Variants in RBM41 observed in about 807,000 individuals in gnomAD.
RBM41 encodes the protein RNA-binding protein 41.
A neutral mutation model predicts 30.8 loss-of-function variants in RBM41; 14 were observed. The ratio of observed to expected loss-of-function variants is 0.45; its 90% CI spans 0.30 to 0.71. RBM41 has a LOEUF of 0.71. Ranked by LOEUF, RBM41 falls within the 30% of genes least tolerant of loss-of-function variation. The probability of loss-of-function intolerance (pLI) is 0.08; values close to 1 mark genes in which losing one functional copy is unlikely to be tolerated. For synonymous variants in RBM41, 120 were observed against 110.1 expected (o/e 1.09, Z -0.56); for missense variants, 276 against 326.3 (o/e 0.85, Z 1.19).
At chrX:107,056,445 G>A in the RBM41 span, among the ~76,000 whole-genome samples, 12 of 112,009 alleles carry the variant, frequency 1.1e-4, no homozygotes, top group Admixed American at 1.0e-3. Context: ...TTTCTTTGAA[G>A]AGTTTGAGAA....
intron 5 of RBM41, among the ~76,000 whole-genome samples, chrX:107,091,720 A>AT (rs886734389): frequency 8.9e-6 from 1 of 112,110 alleles, no homozygotes; most frequent in Non-Finnish European, 1.9e-5. Context: ...ACACATATAC[A>AT]TAATTCATTA....
At chrX:107,084,294 A>G (rs1200728289) in intron 6 of RBM41, among the ~76,000 whole-genome samples, 2 of 111,164 alleles carry the variant, frequency 1.8e-5, no homozygotes, top group African/African-American at 6.5e-5. Flanking sequence ...CTCTAATCCT[A>G]TGATGAAGTC....
In RBM41 at chrX:107,067,548, A is replaced by G. The variant is rs769652000; in HGVS notation, c.1293T>C (p.Thr431=). The part of the protein sequence containing the change: ...TSLISCATGS[T]TEISGS ...TATTCTAGCTACCACTAATTTCTGTAGTGCTACCTGTAGCACATGATATGA... is the reference window on the plus strand; with the variant it reads ...TATTCTAGCTACCACTAATTTCTGTGGTGCTACCTGTAGCACATGATATGA... Residue 431 remains threonine (T), a synonymous_variant, in exon 8 of 8, where the codon ACT becomes ACC. Transcript: ENST00000685964. The G allele has an allele frequency of 1.7e-6, 2 of 1,205,872 alleles. No homozygotes were observed. Among genetic ancestry groups the G allele is most frequent in the Admixed American group, 4.4e-5 (2 of 45,432 alleles).
At chrX:107,117,562 A>G (rs1924975822) in intron 1 of RBM41, among the ~76,000 whole-genome samples, 1 of 111,643 alleles carries the variant, frequency 9.0e-6, no homozygotes, top group Non-Finnish European at 1.9e-5. Context: ...TGAAGGAAAG[A>G]CAAAGCTCCA....
At chrX:107,075,047 G>T (rs1411925316) in intron 6 of RBM41, among the ~76,000 whole-genome samples, 1 of 111,807 alleles carries the variant, frequency 8.9e-6, no homozygotes, top group Admixed American at 9.5e-5. Context: ...GTATGGTACT[G>T]GCATAAAACT....
At chrX:107,077,380 G>A (rs778599569) in intron 6 of RBM41, among the ~76,000 whole-genome samples, 4 of 111,012 alleles carry the variant, frequency 3.6e-5, no homozygotes, top group Non-Finnish European at 7.5e-5. Context: ...TGATCCACCC[G>A]CCTCGGCCTC....
intron 5 of RBM41, among the ~76,000 whole-genome samples, chrX:107,109,297 C>T (rs1359738991): frequency 1.8e-5 from 2 of 111,576 alleles, no homozygotes; most frequent in Non-Finnish European, 3.8e-5. Flanking sequence ...AAACTCTCCA[C>T]TCAAAAGGCA....
Position 107,067,104 on chromosome X carries a change from T to C in RBM41, c.*423A>G. ...CCTACTCTTTTATTTACTAGGTGGATGAAATATGGCAAATGGGCTCTAGTA... is the reference window on the plus strand; with the variant it reads ...CCTACTCTTTTATTTACTAGGTGGACGAAATATGGCAAATGGGCTCTAGTA... On this transcript the variant is annotated 3_prime_UTR_variant, in exon 8 of 8. Coordinates refer to ENST00000685964, the MANE Select transcript of RBM41 (RefSeq NM_001324242.2). 1.3e-6 allele frequency: 1 copy of C among 752,622 alleles called. No individual in the cohort carries two copies. Among genetic ancestry groups the C allele is most frequent in the Non-Finnish European group, 1.6e-6 (1 of 637,791 alleles). The allele number at this position is 752,622 out of a possible 1,213,427, so 62.0% of individuals were successfully genotyped here. A position where few individuals can be genotyped will look rare whatever the true frequency, so the allele number is the denominator to read the frequency against.
At chrX:107,108,912 A>C (rs1924231084) in intron 5 of RBM41, among the ~76,000 whole-genome samples, 1 of 111,936 alleles carries the variant, frequency 8.9e-6, no homozygotes, top group Admixed American at 9.5e-5. Flanking sequence ...TGGCACTTCA[A>C]TGAAAAGCCA....
chrX:107,096,201 T>C (rs1271590805), intron 5 of RBM41, among the ~76,000 whole-genome samples: 3 of 112,333 alleles, frequency 2.7e-5, no homozygotes, highest in Non-Finnish European at 3.8e-5. Flanking sequence ...AATTGAATTA[T>C]AGATTCAACT....
chrX:107,078,409 A>G (rs1324828409), intron 6 of RBM41, among the ~76,000 whole-genome samples: 1 of 111,031 alleles, frequency 9.0e-6, no homozygotes, highest in African/African-American at 3.3e-5. Context: ...TTTCCTCTAT[A>G]TATTTGTTTA....
intron 6 of RBM41, among the ~76,000 whole-genome samples, chrX:107,087,016 A>C (rs1364828687): frequency 8.9e-6 from 1 of 111,928 alleles, no homozygotes; most frequent in Admixed American, 9.5e-5. Context: ...ATGGCTATGT[A>C]GTAAAAATAT....
At chrX:107,083,890 C>T (rs6622147) in intron 6 of RBM41, among the ~76,000 whole-genome samples, 39,925 of 107,504 alleles carry the variant, frequency 0.37, 8,076 homozygotes, top group African/African-American at 0.77. Flanking sequence ...TTGGTTCTCA[C>T]GCTTGTTTTG....
At chrX:107,096,731 T>C (rs999858338) in intron 5 of RBM41, among the ~76,000 whole-genome samples, 1 of 111,978 alleles carries the variant, frequency 8.9e-6, no homozygotes, top group African/African-American at 3.2e-5. Flanking sequence ...CATAAAATAA[T>C]GAATTGAACT....
intron 6 of RBM41, among the ~76,000 whole-genome samples, chrX:107,076,310 C>G (rs1469336549): frequency 1.0e-5 from 1 of 98,810 alleles, no homozygotes; most frequent in Non-Finnish European, 2.0e-5. Flanking sequence ...GTGCCAGACT[C>G]CGTCTCAAAT....
Position 107,085,032 on chromosome X carries a change from T to A in RBM41, c.999+3404A>T, listed in dbSNP as rs111703739. ...TAAACATACCATGTTTTATCTATAC[T>A]CCTGCTGATGAACAATGCCACAACA... On this transcript the variant is annotated intron_variant, in intron 6 of 7. Coordinates refer to ENST00000685964, the MANE Select transcript of RBM41 (RefSeq NM_001324242.2). 9.1e-3 allele frequency among the ~76,000 whole-genome samples: 1,015 copies of A among 111,132 alleles called. 14 individuals are homozygous for A. Among genetic ancestry groups the A allele is most frequent in the African/African-American group, 0.032 (964 of 30,554 alleles).
intron 6 of RBM41, among the ~76,000 whole-genome samples, chrX:107,085,503 G>C (rs1236536420): frequency 9.0e-6 from 1 of 110,842 alleles, no homozygotes; most frequent in Admixed American, 9.7e-5. Flanking sequence ...CCTGACCTCA[G>C]GTGATCTGCT....
chrX:107,065,814 T>C lies in RBM41; in HGVS notation c.*1713A>G, dbSNP rs989936240. 1.9e-6 allele frequency: 2 copies of C among 1,076,489 alleles called. No individual in the cohort carries two copies. Among genetic ancestry groups the C allele is most frequent in the African/African-American group, 3.8e-5 (2 of 52,590 alleles). The allele number at this position is 1,076,489 out of a possible 1,213,427, so 88.7% of individuals were successfully genotyped here. A position where few individuals can be genotyped will look rare whatever the true frequency, so the allele number is the denominator to read the frequency against. On this transcript the variant is annotated 3_prime_UTR_variant, in exon 8 of 8. Coordinates refer to ENST00000685964, the MANE Select transcript of RBM41 (RefSeq NM_001324242.2). ...CGTTATAGGCCAAACGATGCAACTA[T>C]ATACATATTGTTTTATACAACTGTG... is the stretch of plus-strand genomic sequence containing the variant.
chrX:107,079,387 T>C (rs1207179481), intron 6 of RBM41, among the ~76,000 whole-genome samples: 1 of 111,706 alleles, frequency 9.0e-6, no homozygotes, highest in Non-Finnish European at 1.9e-5. Context: ...CATTCCATTA[T>C]GCATGTATAA....
Sources: gnomAD v4.1 joint callset for allele counts (sites outside exome capture counted in the v4.1 genomes callset) on GRCh38, gnomAD v4.1.1 for gene constraint, MANE v1.5 for transcripts, NCBI Gene and HGNC (gene_info 2026-07-23, HGNC 2026-07-21) for gene names.